The following RGL3 variants were observed in gnomAD, a reference collection of about 807,000 sequenced individuals.
The protein encoded by RGL3 is ral guanine nucleotide dissociation stimulator-like 3.
RGL3 carries 85 observed loss-of-function variants against 90.6 expected under a neutral mutation model. The observed-to-expected ratio is 0.94, with a 90% CI of 0.79 to 1.12. The LOEUF is 1.12. Ranked by LOEUF, RGL3 falls within the 50% of genes most tolerant of loss-of-function variation. The pLI, the probability that RGL3 is intolerant of heterozygous loss-of-function variation, is 0.00. For missense variants in RGL3, 1,034 were observed against 939.2 expected, an observed-to-expected ratio of 1.10 and a Z score of -1.32; for synonymous variants, 408 against 385.5, an observed-to-expected ratio of 1.06 and a Z score of -0.68.
At position 11,405,137 on chromosome 19, in the gene RGL3, C is replaced by T; in HGVS notation, c.1185+10G>A. ...GGCCTAAAATCCCTGGAGTCTGCAT[C>T]CATCTCTACCTGGAAAAGAATCTCT... On this transcript the variant is annotated intron_variant, in intron 9 of 18. Transcript: ENST00000380456. The T allele has an allele frequency of 1.2e-6, 2 of 1,612,830 alleles. No homozygotes were observed. The highest frequency in any genetic ancestry group is 1.3e-5 in the African/African-American group (1 of 75,014).
chr19:11,414,482 T>TACCTTCATATATATATATATATATATAC, intron 5 of RGL3, among the ~76,000 whole-genome samples: 1 of 87,364 alleles, frequency 1.1e-5, no homozygotes, highest in African/African-American at 5.0e-5. Context: ...TATATATATA[T>TACCTTCATATATATATATATATATATAC]ACACCTTCAT....
chr19:11,419,272 G>T lies in RGL3; in HGVS notation c.7C>A (p.Arg3Ser). Residue 3 changes from arginine (R) to serine (S), a missense_variant, in exon 1 of 19, where the codon CGC becomes AGC. Transcript: ENST00000380456. ...AGGGCCAGCTCTTTGCCTGCTGTGC[G>T]CTCCATGGCCGGCGCCCGTCCCTCT... ME[R>S]TAGKELALAP... is the part of the protein sequence containing the mutation. The T allele has an allele frequency of 1.3e-6, 2 of 1,583,588 alleles. No homozygotes were observed. The highest frequency in any genetic ancestry group is 1.8e-4 in the Middle Eastern group (1 of 5,644).
At position 11,402,248 on chromosome 19, in the gene RGL3, C is replaced by G. The variant is rs1188327148; in HGVS notation, c.1330-1G>C. ...TCTTCTCAAAGTTAATGAGATCCCC[C>G]TGGGGGCAAAGTGTGTCTGAATTGC... On this transcript the variant is annotated splice_acceptor_variant, in intron 11 of 18. Transcript: ENST00000380456. LOFTEE classifies it high-confidence loss of function. 6.2e-7 allele frequency: 1 copy of G among 1,613,518 alleles called. No homozygotes were observed. Among genetic ancestry groups the G allele is most frequent in the East Asian group, 2.2e-5 (1 of 44,866 alleles).
intron 9 of RGL3, 94 bp from the exon 10 acceptor site, chr19:11,402,800 C>T: frequency 2.7e-6 from 3 of 1,105,962 alleles, no homozygotes; most frequent in South Asian, 2.8e-5. Context: ...ACCCTTCATG[C>T]TTTGAGTAAT....
At position 11,394,400 on chromosome 19, in the gene RGL3, C is replaced by A; in HGVS notation, c.*2G>T. 6 of 1,609,866 alleles carry A rather than the reference C, an allele frequency of 3.7e-6. No homozygotes were observed. The highest frequency in any genetic ancestry group is 5.1e-6 in the Non-Finnish European group (6 of 1,176,216). On this transcript the variant is annotated 3_prime_UTR_variant, in exon 19 of 19. Coordinates refer to ENST00000380456, the MANE Select transcript of RGL3 (RefSeq NM_001035223.4). ...GTGTCTTGTGGAGAGGACAGGGCTG[C>A]CTCAGCTTGGGGAGACAGACAGAGT...
chr19:11,401,568 T>C (rs924970789), intron 13 of RGL3, among the ~76,000 whole-genome samples: 5 of 151,784 alleles, frequency 3.3e-5, no homozygotes, highest in Non-Finnish European at 5.9e-5. Context: ...GCTAATTTTT[T>C]TTTTGTATTT....
Position 11,402,551 on chromosome 19 carries a change from C to G in RGL3, c.1243-10G>C. On this transcript the variant is annotated splice_polypyrimidine_tract_variant and intron_variant, in intron 10 of 18. Coordinates refer to ENST00000380456, the MANE Select transcript of RGL3 (RefSeq NM_001035223.4). ...GGCCTGGGGGTGGTTTCTGCAGCCCCCAAAGCTCCAGTCACTTGGGGCCAT... is the reference window on the plus strand; with the variant it reads ...GGCCTGGGGGTGGTTTCTGCAGCCCGCAAAGCTCCAGTCACTTGGGGCCAT... 1 of 1,605,986 alleles carries G rather than the reference C, an allele frequency of 6.2e-7. No individual in the cohort carries two copies. Among genetic ancestry groups the G allele is most frequent in the Non-Finnish European group, 8.5e-7 (1 of 1,177,756 alleles).
chr19:11,406,902 A>G lies in RGL3; in HGVS notation c.638-38T>C, dbSNP rs371446008. The stretch of plus-strand genomic sequence containing the variant: ...AAGGGTTACAAACTCTCAAGTTTGA[A>G]TCCAAGACTGGCTGTGTGACCTTGG... On this transcript the variant is annotated intron_variant, in intron 5 of 18. Coordinates refer to ENST00000380456, the MANE Select transcript of RGL3 (RefSeq NM_001035223.4). 932 of 1,586,662 alleles carry G rather than the reference A, an allele frequency of 5.9e-4. 6 individuals carry two copies. Among genetic ancestry groups the G allele is most frequent in the Non-Finnish European group, 7.3e-4 (844 of 1,163,080 alleles).
intron 9 of RGL3, among the ~76,000 whole-genome samples, chr19:11,403,970 C>T (rs552844729): frequency 4.5e-4 from 69 of 152,224 alleles, no homozygotes; most frequent in Admixed American, 3.1e-3. Flanking sequence ...AAGGCTTGAC[C>T]GCCCAAGTTC....
intron 5 of RGL3, among the ~76,000 whole-genome samples, chr19:11,414,167 A>ACACACC (rs1200677170): frequency 1.8e-5 from 2 of 110,996 alleles, no homozygotes; most frequent in Admixed American, 9.9e-5. Flanking sequence ...ATATATATAT[A>ACACACC]TATATATATA....
chr19:11,402,458 C>T lies in RGL3; in HGVS notation c.1326G>A (p.Leu442=). Residue 442 remains leucine (L), a synonymous_variant, in exon 11 of 19, where the codon TTG becomes TTA. Coordinates refer to ENST00000380456, the MANE Select transcript of RGL3 (RefSeq NM_001035223.4). The stretch of plus-strand genomic sequence containing the variant: ...GGTCAAGGGTCAGGGGTCAGACCTC[C>T]AACATATCCGGCAGGGCTGTGTCCA... ...VMLDTALPDM[L]EGDLINFEKR... 6.2e-7 allele frequency: 1 copy of T among 1,600,214 alleles called. No homozygotes were observed. Among genetic ancestry groups the T allele is most frequent in the Non-Finnish European group, 8.5e-7 (1 of 1,174,238 alleles).
At chr19:11,395,944 T>C (rs1599427243) in intron 18 of RGL3, among the ~76,000 whole-genome samples, 5 of 146,618 alleles carry the variant, frequency 3.4e-5, no homozygotes, top group African/African-American at 1.3e-4. Flanking sequence ...TTTTTTTTAA[T>C]TGAGACAGGG....
Position 11,405,445 on chromosome 19 carries a change from G to T in RGL3, c.997-19C>A. 1 of 1,528,384 alleles carries T rather than the reference G, an allele frequency of 6.5e-7. No individual in the cohort carries two copies. Among genetic ancestry groups the T allele is most frequent in the African/African-American group, 1.4e-5 (1 of 72,358 alleles). The allele number at this position is 1,528,384 out of a possible 1,614,324, so 94.7% of individuals were successfully genotyped here. A position where few individuals can be genotyped will look rare whatever the true frequency, so the allele number is the denominator to read the frequency against. On this transcript the variant is annotated intron_variant, in intron 7 of 18. Coordinates refer to ENST00000380456, the MANE Select transcript of RGL3 (RefSeq NM_001035223.4). ...GGCAGCGCTGCCAGGCGGTGGGGAC[G>T]CAGGTCAGACCCAGGCATTATCCAC...
intron 5 of RGL3, among the ~76,000 whole-genome samples, chr19:11,412,360 G>A (rs796485618): frequency 2.6e-5 from 4 of 151,926 alleles, no homozygotes; most frequent in African/African-American, 7.2e-5. Context: ...CATAAGCCCG[G>A]GATTTGTTTT....
At chr19:11,412,685 A>G (rs757954182) in intron 5 of RGL3, among the ~76,000 whole-genome samples, 6 of 151,844 alleles carry the variant, frequency 4.0e-5, no homozygotes, top group Non-Finnish European at 8.8e-5. Flanking sequence ...TAAAATTCAT[A>G]GTCGGGTGCG....
intron 7 of RGL3, 36 bp from the exon 8 acceptor site, chr19:11,405,462 A>G: frequency 3.2e-6 from 3 of 946,684 alleles, no homozygotes; most frequent in Non-Finnish European, 4.4e-6. Context: ...AGACCCAGGC[A>G]TTATCCACCT....
chr19:11,418,246 C>T (rs1225820418), intron 2 of RGL3, among the ~76,000 whole-genome samples: 1 of 122,802 alleles, frequency 8.1e-6, no homozygotes, highest in East Asian at 3.2e-4. Context: ...TCCCCCCACC[C>T]CCCCGCCCCC....
At chr19:11,405,492 ATCTTTTTTTTTTTTTTTTTTTTT>A (rs2144726804) in intron 7 of RGL3, 66 bp from the exon 8 acceptor site, 6 of 132,450 alleles carry the variant, frequency 4.5e-5, no homozygotes, top group East Asian at 1.4e-4. Context: ...AAACTTCTTC[ATCTTTTTTTTTTTTTTTTTTTTT>A]TTTTTTTTTT....
At chr19:11,413,997 C>T (rs1014596809) in intron 5 of RGL3, among the ~76,000 whole-genome samples, 1 of 149,078 alleles carries the variant, frequency 6.7e-6, no homozygotes, top group Non-Finnish European at 1.5e-5. Context: ...CCGCCCCCGT[C>T]GGCCTCCCAA....
Sources: gnomAD v4.1 joint callset for allele counts (sites outside exome capture counted in the v4.1 genomes callset) on GRCh38, gnomAD v4.1.1 for gene constraint, MANE v1.5 for transcripts, NCBI Gene and HGNC (gene_info 2026-07-23, HGNC 2026-07-21) for gene names.